VSNL1: variants seen among roughly 807,000 people sequenced by gnomAD.
VSNL1 encodes visinin-like protein 1.
VSNL1 carries 6 observed loss-of-function variants against 20.4 expected under a neutral mutation model. The ratio of observed to expected loss-of-function variants is 0.29; its 90% CI spans 0.16 to 0.58. The LOEUF (loss-of-function observed/expected upper bound fraction) is 0.58, where lower values mean the gene tolerates loss of function less well. VSNL1 is among the 20% of genes least tolerant of loss of function. The probability of loss-of-function intolerance (pLI) is 0.90; values close to 1 mark genes in which losing one functional copy is unlikely to be tolerated. For missense variants in VSNL1, 100 were observed against 234.5 expected, an observed-to-expected ratio of 0.43 and a Z score of 3.75; for synonymous variants, 93 against 86.4, an observed-to-expected ratio of 1.08 and a Z score of -0.42.
chr2:17,575,504 T>C (rs557249055), intron 1 of VSNL1, among the ~76,000 whole-genome samples: 3 of 152,284 alleles, frequency 2.0e-5, no homozygotes, highest in Non-Finnish European at 4.4e-5. Context: ...ATAGGGAAAA[T>C]TAAGTAGATT....
intron 1 of VSNL1, among the ~76,000 whole-genome samples, chr2:17,541,846 G>C (rs1663291372): frequency 6.6e-6 from 1 of 152,198 alleles, no homozygotes; most frequent in Non-Finnish European, 1.5e-5. Flanking sequence ...GAATGTGTAC[G>C]TGGAAGGAGC....
intron 2 of VSNL1, among the ~76,000 whole-genome samples, chr2:17,611,091 A>G (rs1044761405): frequency 4.6e-5 from 7 of 152,230 alleles, no homozygotes; most frequent in Non-Finnish European, 7.3e-5. Flanking sequence ...CAAAAACAAG[A>G]GCAATAATTA....
chr2:17,585,034 A>AT (rs1664437074), intron 1 of VSNL1, among the ~76,000 whole-genome samples: 2 of 151,934 alleles, frequency 1.3e-5, no homozygotes, highest in African/African-American at 2.4e-5. Context: ...CTGTCAAAAT[A>AT]TTTTCCCTCA....
At chr2:17,646,189 G>C (rs1347331059) in intron 2 of VSNL1, among the ~76,000 whole-genome samples, 1 of 152,178 alleles carries the variant, frequency 6.6e-6, no homozygotes, top group Non-Finnish European at 1.5e-5. Context: ...TTGAGTTAAA[G>C]AATGAGTCAG....
At chr2:17,574,522 G>A (rs114301708) in intron 1 of VSNL1, among the ~76,000 whole-genome samples, 19 of 152,180 alleles carry the variant, frequency 1.2e-4, no homozygotes, top group African/African-American at 3.1e-4. Flanking sequence ...TTCTTTGAGC[G>A]TATTCAAGTT....
chr2:17,595,886 G>C (rs1337463505), intron 2 of VSNL1, among the ~76,000 whole-genome samples: 1 of 152,194 alleles, frequency 6.6e-6, no homozygotes, highest in Non-Finnish European at 1.5e-5. Context: ...AGAATCTTTT[G>C]AGACTTGCTT....
intron 1 of VSNL1, among the ~76,000 whole-genome samples, chr2:17,579,022 A>G (rs1377161243): frequency 6.6e-6 from 1 of 152,196 alleles, no homozygotes; most frequent in Admixed American, 6.5e-5. Flanking sequence ...CTCCTCATCA[A>G]CAAGTGTGTT....
intron 1 of VSNL1, among the ~76,000 whole-genome samples, chr2:17,586,226 G>A (rs1186171663): frequency 6.6e-6 from 1 of 152,132 alleles, no homozygotes; most frequent in African/African-American, 2.4e-5. Flanking sequence ...GCTGGTTTGG[G>A]GTGTGCTTCT....
chr2:17,628,661 C>T (rs2103409754), intron 2 of VSNL1, among the ~76,000 whole-genome samples: 1 of 152,280 alleles, frequency 6.6e-6, no homozygotes, highest in African/African-American at 2.4e-5. Flanking sequence ...ATTCAAAGTC[C>T]CACAGCACCT....
chr2:17,605,166 A>C (rs141047045), intron 2 of VSNL1, among the ~76,000 whole-genome samples: 65 of 152,220 alleles, frequency 4.3e-4, no homozygotes, highest in Non-Finnish European at 6.8e-4. Flanking sequence ...AATAAATGGT[A>C]AAGGTCACTC....
intron 2 of VSNL1, among the ~76,000 whole-genome samples, chr2:17,643,020 G>A (rs1665914949): frequency 6.6e-6 from 1 of 152,106 alleles, no homozygotes; most frequent in Non-Finnish European, 1.5e-5. Context: ...GGGGGTGGGC[G>A]AGGGTGTCCT....
Position 17,649,142 on chromosome 2 carries a change from T to C in VSNL1, c.163-268T>C, listed in dbSNP as rs182265159. Among the ~76,000 whole-genome samples, 277 of 152,264 alleles carry C rather than the reference T, an allele frequency of 1.8e-3. 4 individuals carry two copies. In the East Asian group the frequency reaches 0.027, roughly 15 times the overall value. On this transcript the variant is annotated intron_variant, in intron 2 of 3. Coordinates refer to ENST00000295156, the MANE Select transcript of VSNL1 (RefSeq NM_003385.5). The surrounding 1 kb of genome is among the most constrained non-coding windows in gnomAD (Gnocchi z 6.4). ...CAACACTAGCATCAGGTGGTGCTTG[T>C]TGACCGATTCCAAGCCCCATCAACT...
chr2:17,600,063 C>T (rs974200213), intron 2 of VSNL1, among the ~76,000 whole-genome samples: 7 of 152,206 alleles, frequency 4.6e-5, no homozygotes, highest in African/African-American at 1.7e-4. Flanking sequence ...CTTTGGTGTG[C>T]ATCTGTCCCA....
intron 1 of VSNL1, among the ~76,000 whole-genome samples, chr2:17,563,076 C>A (rs964933538): frequency 6.6e-5 from 10 of 151,476 alleles, no homozygotes; most frequent in East Asian, 1.9e-4. Context: ...ACAACAACAA[C>A]AAAAAAAGGG....
At chr2:17,613,208 A>T (rs1182867628) in intron 2 of VSNL1, among the ~76,000 whole-genome samples, 1 of 152,178 alleles carries the variant, frequency 6.6e-6, no homozygotes, top group African/African-American at 2.4e-5. Flanking sequence ...AAGAAGGTCT[A>T]TGGCTGTGTG....
At chr2:17,581,227 T>C (rs577865716) in intron 1 of VSNL1, among the ~76,000 whole-genome samples, 1 of 152,356 alleles carries the variant, frequency 6.6e-6, no homozygotes, top group South Asian at 2.1e-4. Flanking sequence ...TGTTTTCTCA[T>C]ATAGTTTTAA....
At chr2:17,614,672 T>C (rs564405495) in intron 2 of VSNL1, among the ~76,000 whole-genome samples, 77 of 152,358 alleles carry the variant, frequency 5.1e-4, no homozygotes, top group African/African-American at 1.8e-3. Flanking sequence ...GAAGAGACTC[T>C]CTAAGCAATC....
intron 1 of VSNL1, among the ~76,000 whole-genome samples, chr2:17,555,895 T>A (rs62131463): frequency 0.029 from 4,459 of 152,296 alleles, 64 homozygotes; most frequent in Middle Eastern, 0.054. Flanking sequence ...TGCCAGAAAT[T>A]GAATTTAGCC....
intron 1 of VSNL1, among the ~76,000 whole-genome samples, chr2:17,564,470 AAAC>A (rs202028311): frequency 5.3e-4 from 80 of 152,346 alleles, no homozygotes; most frequent in African/African-American, 1.7e-3. Flanking sequence ...GATTCTGTAA[AAAC>A]AACAACAGCA....
Sources: allele counts gnomAD v4.1 joint callset (sites outside exome capture counted in the v4.1 genomes callset), GRCh38; gene constraint gnomAD v4.1.1; non-coding constraint Gnocchi (gnomAD v3.1); transcripts MANE v1.5; gene names NCBI Gene and HGNC (gene_info 2026-07-23, HGNC 2026-07-21).